Variants in NFIA observed in about 807,000 individuals in gnomAD.
NFIA encodes nuclear factor 1 A-type.
Under a neutral mutation model 62.8 loss-of-function variants are expected in NFIA, and 8 were observed. The ratio of observed to expected loss-of-function variants is 0.13; its 90% CI spans 0.07 to 0.23. The LOEUF is 0.23. Among genes scored for constraint, NFIA ranks in the 10% least tolerant of loss-of-function variants. The probability of loss-of-function intolerance (pLI) is 1.00; values close to 1 mark genes in which losing one functional copy is unlikely to be tolerated. For missense variants in NFIA, 410 were observed against 642.1 expected, an observed-to-expected ratio of 0.64 and a Z score of 3.91; for synonymous variants, 235 against 238.1, an observed-to-expected ratio of 0.99 and a Z score of 0.12.
intron 2 of NFIA, among the ~76,000 whole-genome samples, chr1:61,162,095 A>G (rs1189315095): frequency 6.6e-5 from 10 of 152,278 alleles, no homozygotes; most frequent in African/African-American, 2.4e-4. Context: ...ATCTGTGGAG[A>G]AGCTATGTAC....
Position 61,362,727 on chromosome 1 carries a change from C to G in NFIA, c.946+3453C>G, listed in dbSNP as rs76918805. The stretch of plus-strand genomic sequence containing the variant: ...TTAGTTTAAAAACATCAGACAACTT[C>G]AGAATGACTTTCGCTTCTCTTACAA... On this transcript the variant is annotated intron_variant, in intron 6 of 10. Coordinates refer to ENST00000403491, the MANE Select transcript of NFIA (RefSeq NM_001134673.4). 6.1e-3 allele frequency among the ~76,000 whole-genome samples: 932 copies of G among 152,292 alleles called. 9 individuals carry two copies. Among genetic ancestry groups the G allele is most frequent in the African/African-American group, 0.021 (891 of 41,552 alleles).
chr1:61,222,178 G>A (rs1654056604), intron 2 of NFIA, among the ~76,000 whole-genome samples: 1 of 152,040 alleles, frequency 6.6e-6, no homozygotes, highest in Non-Finnish European at 1.5e-5. Context: ...AGTTTAAAAA[G>A]TTTTACGGTT....
At chr1:61,430,589 TG>T (rs1490477660) in intron 10 of NFIA, among the ~76,000 whole-genome samples, 1 of 152,194 alleles carries the variant, frequency 6.6e-6, no homozygotes, top group African/African-American at 2.4e-5. Flanking sequence ...TCATCTGTAA[TG>T]ATTGGTGGGG....
At chr1:61,249,331 A>G (rs1256087802) in intron 2 of NFIA, among the ~76,000 whole-genome samples, 1 of 152,248 alleles carries the variant, frequency 6.6e-6, no homozygotes, top group Admixed American at 6.5e-5. Flanking sequence ...CAAAAACTTT[A>G]CTAACCAGAT....
intron 6 of NFIA, among the ~76,000 whole-genome samples, chr1:61,366,063 C>CTAA (rs1663567953): frequency 6.6e-6 from 1 of 152,122 alleles, no homozygotes; most frequent in South Asian, 2.1e-4. Flanking sequence ...TGAGACTTGT[C>CTAA]TCTTAGTCTT....
intron 6 of NFIA, among the ~76,000 whole-genome samples, chr1:61,364,409 G>A (rs1663474416): frequency 6.6e-6 from 1 of 152,152 alleles, no homozygotes; most frequent in Admixed American, 6.5e-5. Context: ...AAGCGATAAA[G>A]CAGAGAATTT....
intron 3 of NFIA, among the ~76,000 whole-genome samples, chr1:61,315,372 G>C (rs1370036612): frequency 6.6e-6 from 1 of 152,142 alleles, no homozygotes; most frequent in African/African-American, 2.4e-5. Flanking sequence ...AATTGAACTC[G>C]CATACATATA....
chr1:61,410,425 G>C (rs966944032), intron 9 of NFIA, among the ~76,000 whole-genome samples: 4 of 152,160 alleles, frequency 2.6e-5, no homozygotes, highest in African/African-American at 9.7e-5. Context: ...TATCTTGTCA[G>C]CTTATGAGAG....
upstream of NFIA, among the ~76,000 whole-genome samples, chr1:61,078,034 A>G (rs1160860684): frequency 6.6e-6 from 1 of 152,072 alleles, no homozygotes; most frequent in East Asian, 1.9e-4. Context: ...CCGGAGAATA[A>G]TTGACGATTT....
chr1:61,136,120 C>T (rs775741604), intron 2 of NFIA, among the ~76,000 whole-genome samples: 2 of 152,228 alleles, frequency 1.3e-5, no homozygotes, highest in Non-Finnish European at 2.9e-5. Flanking sequence ...CTTATGTCTG[C>T]ATTTAACAGA....
intron 2 of NFIA, among the ~76,000 whole-genome samples, chr1:61,129,448 T>G (rs1348590084): frequency 2.2e-5 from 2 of 92,868 alleles, no homozygotes; most frequent in African/African-American, 8.9e-5. Flanking sequence ...ACTTTCTTTA[T>G]TCTTTTTTTT....
chr1:61,443,598 A>C (rs1667680372), intron 10 of NFIA, among the ~76,000 whole-genome samples: 1 of 152,230 alleles, frequency 6.6e-6, no homozygotes, highest in Non-Finnish European at 1.5e-5. Context: ...CTATCAGGAA[A>C]GGACTGCTCC....
At chr1:61,306,294 T>TTTTTC (rs748026405) in intron 3 of NFIA, among the ~76,000 whole-genome samples, 2 of 109,702 alleles carry the variant, frequency 1.8e-5, no homozygotes, top group Non-Finnish European at 1.8e-5. Flanking sequence ...TTTTTTTTTT[T>TTTTTC]AAGACAGAGT....
intron 3 of NFIA, among the ~76,000 whole-genome samples, chr1:61,316,193 A>T (rs1660358450): frequency 6.6e-6 from 1 of 152,192 alleles, no homozygotes; most frequent in Non-Finnish European, 1.5e-5. Flanking sequence ...TTTAAAATCA[A>T]GTTCTCACTA....
At chr1:61,218,666 A>G (rs759820914) in intron 2 of NFIA, among the ~76,000 whole-genome samples, 4 of 152,222 alleles carry the variant, frequency 2.6e-5, no homozygotes, top group Non-Finnish European at 5.9e-5. Flanking sequence ...TTAAAAAATA[A>G]TGCTGTATCA....
chr1:61,218,201 G>A (rs554908389), intron 2 of NFIA, among the ~76,000 whole-genome samples: 4 of 152,278 alleles, frequency 2.6e-5, no homozygotes, highest in African/African-American at 9.6e-5. Flanking sequence ...TTTGTAAGGC[G>A]TTGCTGATTC....
chr1:61,446,625 TGAA>T (rs1310707521), intron 10 of NFIA, among the ~76,000 whole-genome samples: 4 of 152,234 alleles, frequency 2.6e-5, no homozygotes, highest in Admixed American at 2.6e-4. Context: ...ATCCAGTGTC[TGAA>T]GGGCTTCTTG....
chr1:61,296,772 A>C (rs1659211404), intron 3 of NFIA, among the ~76,000 whole-genome samples: 1 of 152,322 alleles, frequency 6.6e-6, no homozygotes, highest in Admixed American at 6.5e-5. Flanking sequence ...AAAAATAATA[A>C]GTTTCATAGA....
chr1:61,391,613 T>C (rs1664989930), intron 7 of NFIA, among the ~76,000 whole-genome samples: 1 of 152,198 alleles, frequency 6.6e-6, no homozygotes, highest in African/African-American at 2.4e-5. Context: ...CTCAAAATTA[T>C]TTGGTCCCCT....
Sources: gnomAD v4.1 joint callset for allele counts (sites outside exome capture counted in the v4.1 genomes callset) on GRCh38, gnomAD v4.1.1 for gene constraint, MANE v1.5 for transcripts, NCBI Gene and HGNC (gene_info 2026-07-23, HGNC 2026-07-21) for gene names.